The following ADAMTSL3 variants were observed in gnomAD, a reference collection of about 807,000 sequenced individuals.
ADAMTSL3 encodes ADAMTS-like protein 3.
ADAMTSL3 carries 128 observed loss-of-function variants against 201.7 expected under a neutral mutation model. The observed-to-expected ratio is 0.63, with a 90% CI of 0.55 to 0.73. ADAMTSL3 has a LOEUF of 0.73. ADAMTSL3 is among the 30% of genes least tolerant of loss of function. ADAMTSL3 has a pLI of 0.00. For synonymous variants in ADAMTSL3, 738 were observed against 748.4 expected, an observed-to-expected ratio of 0.99 and a Z score of 0.23; for missense variants, 1,990 against 2,119.6, an observed-to-expected ratio of 0.94 and a Z score of 1.20.
At chr15:83,747,761 G>A (rs2062570087) in intron 3 of ADAMTSL3, among the ~76,000 whole-genome samples, 1 of 152,024 alleles carries the variant, frequency 6.6e-6, no homozygotes. Context: ...ACAAACCGAT[G>A]TCTCCCAAAC....
At chr15:83,864,915 G>C (rs1323145037) in intron 8 of ADAMTSL3, among the ~76,000 whole-genome samples, 4 of 152,176 alleles carry the variant, frequency 2.6e-5, no homozygotes, top group East Asian at 1.9e-4. Flanking sequence ...CTTCAGCAAA[G>C]TCTCAGGATA....
intron 16 of ADAMTSL3, among the ~76,000 whole-genome samples, chr15:83,916,175 G>A (rs2066029204): frequency 6.6e-6 from 1 of 152,194 alleles, no homozygotes; most frequent in Non-Finnish European, 1.5e-5. Flanking sequence ...TCAGGTGGGT[G>A]ATGTTAAGGT....
At chr15:83,952,103 T>C (rs2066769283) in intron 19 of ADAMTSL3, among the ~76,000 whole-genome samples, 1 of 152,186 alleles carries the variant, frequency 6.6e-6, no homozygotes, top group Admixed American at 6.5e-5. Flanking sequence ...GCTATAAATG[T>C]CCCTCTTAGT....
chr15:83,954,066 A>G (rs897471966), intron 19 of ADAMTSL3, among the ~76,000 whole-genome samples: 2 of 152,072 alleles, frequency 1.3e-5, no homozygotes, highest in Non-Finnish European at 2.9e-5. Context: ...TTGAATGTTA[A>G]TATCTTTCTC....
At chr15:83,701,064 A>G (rs1011269828) in intron 2 of ADAMTSL3, among the ~76,000 whole-genome samples, 1 of 152,154 alleles carries the variant, frequency 6.6e-6, no homozygotes, top group East Asian at 1.9e-4. Flanking sequence ...TCAGAGGAAT[A>G]TGTTTACTCC....
At chr15:83,918,769 T>G (rs932916390) in intron 16 of ADAMTSL3, among the ~76,000 whole-genome samples, 1 of 152,228 alleles carries the variant, frequency 6.6e-6, no homozygotes, top group East Asian at 1.9e-4. Flanking sequence ...GTGGGAGTTA[T>G]GTGACCAAAT....
chr15:83,753,362 C>T (rs988336620), intron 3 of ADAMTSL3, among the ~76,000 whole-genome samples: 2 of 152,226 alleles, frequency 1.3e-5, no homozygotes, highest in African/African-American at 4.8e-5. Context: ...ACAACCCCTG[C>T]AGGTGGTCCA....
intron 2 of ADAMTSL3, among the ~76,000 whole-genome samples, chr15:83,672,398 T>C (rs533729990): frequency 6.6e-6 from 1 of 152,286 alleles, no homozygotes; most frequent in South Asian, 2.1e-4. Context: ...ACTATTGACA[T>C]CTTTTGCTAA....
At chr15:83,941,918 A>T (rs2066568447) in intron 17 of ADAMTSL3, among the ~76,000 whole-genome samples, 1 of 152,220 alleles carries the variant, frequency 6.6e-6, no homozygotes, top group Non-Finnish European at 1.5e-5. Context: ...ATGGGCAGAG[A>T]CTTTTCTCAA....
At chr15:83,920,718 T>A (rs1211419101) in intron 16 of ADAMTSL3, among the ~76,000 whole-genome samples, 1 of 152,236 alleles carries the variant, frequency 6.6e-6, no homozygotes, top group African/African-American at 2.4e-5. Flanking sequence ...GACCTCTTTT[T>A]TCCTCGTATA....
At chr15:83,716,360 C>G (rs953673240) in intron 3 of ADAMTSL3, among the ~76,000 whole-genome samples, 3 of 151,768 alleles carry the variant, frequency 2.0e-5, no homozygotes, top group Admixed American at 1.3e-4. Context: ...CACACACACA[C>G]ACACAAATTA....
chr15:83,928,653 C>T (rs1220648599), intron 17 of ADAMTSL3, among the ~76,000 whole-genome samples: 1 of 152,156 alleles, frequency 6.6e-6, no homozygotes, highest in Non-Finnish European at 1.5e-5. Flanking sequence ...AATGTGTCAT[C>T]ATATAATTTT....
At chr15:83,858,417 G>C (rs1403620543) in intron 7 of ADAMTSL3, among the ~76,000 whole-genome samples, 1 of 152,000 alleles carries the variant, frequency 6.6e-6, no homozygotes, top group Admixed American at 6.6e-5. Context: ...CTGTTGCCCA[G>C]GCTGGAGTCC....
chr15:83,876,332 C>G (rs1285456704), intron 9 of ADAMTSL3, among the ~76,000 whole-genome samples: 1 of 151,904 alleles, frequency 6.6e-6, no homozygotes, highest in Non-Finnish European at 1.5e-5. Context: ...GTTTTTTTTA[C>G]ATTTCTATTT....
chr15:83,662,790 C>T (rs1354761093), intron 2 of ADAMTSL3, among the ~76,000 whole-genome samples: 1 of 152,042 alleles, frequency 6.6e-6, no homozygotes. Context: ...CCTTTTATTT[C>T]TTCTGGATCT....
At chr15:83,864,868 T>A (rs550221289) in intron 8 of ADAMTSL3, among the ~76,000 whole-genome samples, 49 of 152,278 alleles carry the variant, frequency 3.2e-4, no homozygotes, top group African/African-American at 1.2e-3. Flanking sequence ...GAAAACCCCA[T>A]CGTCTCAGCC....
At chr15:84,003,879 A>G (rs1213619874) in intron 23 of ADAMTSL3, among the ~76,000 whole-genome samples, 1 of 152,128 alleles carries the variant, frequency 6.6e-6, no homozygotes, top group Non-Finnish European at 1.5e-5. Context: ...TGACCTAACT[A>G]TGCCTTCACA....
chr15:83,792,517 C>G (rs553051122), intron 4 of ADAMTSL3, among the ~76,000 whole-genome samples: 1 of 152,104 alleles, frequency 6.6e-6, no homozygotes, highest in Non-Finnish European at 1.5e-5. Context: ...ATCAGTTGGG[C>G]TTATGCCTGT....
intron 4 of ADAMTSL3, among the ~76,000 whole-genome samples, chr15:83,798,351 A>G (rs183368314): frequency 4.0e-4 from 61 of 152,332 alleles, no homozygotes; most frequent in African/African-American, 1.4e-3. Flanking sequence ...CCTAAATCAA[A>G]TGTGTATATA....
Sources: allele counts gnomAD v4.1 joint callset (sites outside exome capture counted in the v4.1 genomes callset), GRCh38; gene constraint gnomAD v4.1.1; transcripts MANE v1.5; gene names NCBI Gene and HGNC (gene_info 2026-07-23, HGNC 2026-07-21).